The following MMP16 variants were observed in gnomAD, a reference collection of about 807,000 sequenced individuals.
The protein encoded by MMP16 is matrix metalloproteinase-16.
Under a neutral mutation model 67.8 loss-of-function variants are expected in MMP16, and 12 were observed. The observed-to-expected ratio is 0.18, with a 90% CI of 0.11 to 0.29. The LOEUF (loss-of-function observed/expected upper bound fraction) is 0.29, where lower values mean the gene tolerates loss of function less well. Ranked by LOEUF, MMP16 falls within the 10% of genes least tolerant of loss-of-function variation. The pLI is 1.00. For missense variants in MMP16, 475 were observed against 765.7 expected (o/e 0.62, Z 4.48); for synonymous variants, 249 against 255.9 (o/e 0.97, Z 0.26).
At chr8:88,219,982 C>T (rs1056073645) in intron 1 of MMP16, among the ~76,000 whole-genome samples, 36 of 151,944 alleles carry the variant, frequency 2.4e-4, no homozygotes, top group Admixed American at 6.6e-4. Context: ...ATATTTATAC[C>T]GCCTTTAATA....
chr8:88,183,708 CCTT>C (rs1447300872), intron 3 of MMP16, among the ~76,000 whole-genome samples: 1 of 90,566 alleles, frequency 1.1e-5, no homozygotes, highest in African/African-American at 3.2e-5. Context: ...AACAAAATGT[CCTT>C]CTTTTTTTTT....
chr8:88,293,076 C>T (rs1475483194), intron 1 of MMP16, among the ~76,000 whole-genome samples: 2 of 152,136 alleles, frequency 1.3e-5, no homozygotes, highest in East Asian at 3.9e-4. Context: ...CTGCATAAAA[C>T]TTTAAGAGTA....
At chr8:88,249,940 TG>T (rs1334739034) in intron 1 of MMP16, among the ~76,000 whole-genome samples, 4 of 152,132 alleles carry the variant, frequency 2.6e-5, no homozygotes, top group Non-Finnish European at 5.9e-5. Context: ...AAGAATTTTA[TG>T]TAATGTTCCT....
chr8:88,209,269 T>G (rs959609697), intron 1 of MMP16, among the ~76,000 whole-genome samples: 4 of 152,102 alleles, frequency 2.6e-5, no homozygotes, highest in African/African-American at 9.7e-5. Flanking sequence ...ACCCCTTCTC[T>G]TCCTCCTCCT....
chr8:88,305,370 A>C (rs1169031592), intron 1 of MMP16, among the ~76,000 whole-genome samples: 2 of 152,034 alleles, frequency 1.3e-5, no homozygotes, highest in African/African-American at 4.8e-5. Context: ...CCCACTGACA[A>C]TATCAGATCA....
intron 1 of MMP16, among the ~76,000 whole-genome samples, chr8:88,317,780 C>T (rs1811396631): frequency 6.6e-6 from 1 of 151,986 alleles, no homozygotes; most frequent in African/African-American, 2.4e-5. Flanking sequence ...AATCTTAGGG[C>T]CTGAAGATTT....
At chr8:88,289,783 T>C (rs1810893278) in intron 1 of MMP16, among the ~76,000 whole-genome samples, 1 of 151,682 alleles carries the variant, frequency 6.6e-6, no homozygotes, top group African/African-American at 2.4e-5. Context: ...GTAGATTCCA[T>C]TTTCCTCTTT....
intron 7 of MMP16, among the ~76,000 whole-genome samples, chr8:88,073,752 C>T (rs1277317926): frequency 2.0e-5 from 3 of 152,168 alleles, no homozygotes; most frequent in African/African-American, 7.2e-5. Flanking sequence ...GGAATAATTG[C>T]TTTTTGAGGG....
chr8:88,116,044 C>T (rs771561190), intron 6 of MMP16, among the ~76,000 whole-genome samples: 7 of 152,130 alleles, frequency 4.6e-5, no homozygotes, highest in Non-Finnish European at 1.0e-4. Flanking sequence ...AATGGCTACC[C>T]GTGGACCCCA....
At chr8:88,171,203 A>G (rs1808794990) in intron 3 of MMP16, among the ~76,000 whole-genome samples, 1 of 152,192 alleles carries the variant, frequency 6.6e-6, no homozygotes, top group Admixed American at 6.5e-5. Flanking sequence ...AAAGCTATGT[A>G]CTGATTAGCT....
At chr8:88,288,418 G>C (rs575828251) in intron 1 of MMP16, among the ~76,000 whole-genome samples, 2 of 152,088 alleles carry the variant, frequency 1.3e-5, no homozygotes, top group East Asian at 3.9e-4. Context: ...TGGGTTGTTG[G>C]CATCAAGTAT....
chr8:88,284,071 T>C (rs775687749), intron 1 of MMP16, among the ~76,000 whole-genome samples: 3 of 152,248 alleles, frequency 2.0e-5, no homozygotes, highest in Admixed American at 2.0e-4. Context: ...AACAGTATTT[T>C]GTCACAAAAA....
chr8:88,298,220 T>A (rs1452593446), intron 1 of MMP16, among the ~76,000 whole-genome samples: 1 of 152,122 alleles, frequency 6.6e-6, no homozygotes, highest in African/African-American at 2.4e-5. Flanking sequence ...CAGTTAAAAC[T>A]AATAACAACC....
intron 1 of MMP16, among the ~76,000 whole-genome samples, chr8:88,227,729 A>T (rs1360410611): frequency 2.0e-5 from 3 of 152,014 alleles, no homozygotes; most frequent in Non-Finnish European, 2.9e-5. Context: ...GACTTCTGAG[A>T]CACTGCGATA....
intron 1 of MMP16, among the ~76,000 whole-genome samples, chr8:88,265,886 T>C (rs1810469027): frequency 6.6e-6 from 1 of 152,160 alleles, no homozygotes; most frequent in African/African-American, 2.4e-5. Flanking sequence ...ACTGAGGCAT[T>C]AGGGAAACAA....
intron 1 of MMP16, among the ~76,000 whole-genome samples, chr8:88,208,820 AAAAAAAAAAAAAAGGAAGAAAAG>A (rs1809469725): frequency 1.3e-5 from 1 of 75,126 alleles, no homozygotes; most frequent in African/African-American, 8.5e-5. Flanking sequence ...AGATATGGCA[AAAAAAAAAAAAAAGGAAGAAAAG>A]AAAAAAAAAT....
intron 4 of MMP16, among the ~76,000 whole-genome samples, chr8:88,135,864 G>A (rs1808110337): frequency 6.6e-6 from 1 of 151,864 alleles, no homozygotes. Context: ...CTATGGAACA[G>A]TGAAATTTGG....
chr8:88,144,306 T>TA (rs1808257731), intron 4 of MMP16, among the ~76,000 whole-genome samples: 2 of 151,890 alleles, frequency 1.3e-5, no homozygotes, highest in Admixed American at 6.6e-5. Context: ...TAGGTGGCTA[T>TA]AAAAAATCAG....
intron 1 of MMP16, among the ~76,000 whole-genome samples, chr8:88,242,100 A>G (rs1218124896): frequency 2.0e-5 from 3 of 152,216 alleles, no homozygotes; most frequent in Non-Finnish European, 2.9e-5. Flanking sequence ...ATAATATTTT[A>G]GTGCTTGGAT....
Sources: allele counts gnomAD v4.1 joint callset (sites outside exome capture counted in the v4.1 genomes callset), GRCh38; gene constraint gnomAD v4.1.1; transcripts MANE v1.5; gene names NCBI Gene and HGNC (gene_info 2026-07-23, HGNC 2026-07-21).